Variants in TNFAIP8L3 observed in about 807,000 individuals in gnomAD.
TNFAIP8L3 encodes the protein TNF alpha induced protein 8 like 3, also known as tumor necrosis factor alpha-induced protein 8-like protein 3.
Under a neutral mutation model 11.8 loss-of-function variants are expected in TNFAIP8L3, and 7 were observed. The observed-to-expected ratio is 0.59, with a 90% CI of 0.34 to 1.11. The LOEUF (loss-of-function observed/expected upper bound fraction) is 1.11, where lower values mean the gene tolerates loss of function less well. Among genes scored for constraint, TNFAIP8L3 ranks in the 50% most tolerant of loss-of-function variants. The probability of loss-of-function intolerance (pLI) is 0.03; values close to 1 mark genes in which losing one functional copy is unlikely to be tolerated. For missense variants in TNFAIP8L3, 219 were observed against 258.6 expected (o/e 0.85, Z 1.05); for synonymous variants, 98 against 103.8 (o/e 0.94, Z 0.34).
chr15:51,085,503 A>C (rs1294421182), intron 1 of TNFAIP8L3, among the ~76,000 whole-genome samples: 1 of 152,204 alleles, frequency 6.6e-6, no homozygotes. Context: ...CAGGATGGAG[A>C]AACCTAAGAA....
intron 1 of TNFAIP8L3, among the ~76,000 whole-genome samples, chr15:51,067,727 A>G (rs1382270737): frequency 6.6e-6 from 1 of 152,220 alleles, no homozygotes; most frequent in Non-Finnish European, 1.5e-5. Flanking sequence ...CACTGATTAT[A>G]TTACTTCATT....
chr15:51,091,824 G>A (rs1297784460), intron 1 of TNFAIP8L3, among the ~76,000 whole-genome samples: 2 of 151,978 alleles, frequency 1.3e-5, no homozygotes, highest in African/African-American at 2.4e-5. Context: ...AACATTAATT[G>A]TTTTAAACAT....
intron 1 of TNFAIP8L3, among the ~76,000 whole-genome samples, chr15:51,063,911 G>A (rs992450733): frequency 6.6e-6 from 1 of 152,190 alleles, no homozygotes; most frequent in African/African-American, 2.4e-5. Flanking sequence ...ATATAGGCCA[G>A]TACTTTTCCC....
intron 1 of TNFAIP8L3, among the ~76,000 whole-genome samples, chr15:51,103,556 T>A (rs1369263345): frequency 1.3e-5 from 2 of 152,250 alleles, no homozygotes; most frequent in Non-Finnish European, 2.9e-5. Flanking sequence ...TTATTGAAGC[T>A]CTTTCAGGAT....
upstream of TNFAIP8L3, among the ~76,000 whole-genome samples, chr15:51,099,452 G>A (rs997503758): frequency 2.6e-5 from 4 of 152,056 alleles, no homozygotes; most frequent in African/African-American, 9.7e-5. Flanking sequence ...AAGGAGAAAG[G>A]GAGAAGAGAA....
exon 1 of TNFAIP8L3, chr15:51,105,120 C>T: frequency 1.2e-6 from 2 of 1,614,190 alleles, no homozygotes; most frequent in Non-Finnish European, 1.7e-6. Flanking sequence ...TCCCCTTTGG[C>T]TCTGCCTCAC....
At chr15:51,085,033 G>A (rs1354785046) in intron 1 of TNFAIP8L3, among the ~76,000 whole-genome samples, 1 of 152,112 alleles carries the variant, frequency 6.6e-6, no homozygotes, top group Admixed American at 6.5e-5. Flanking sequence ...CAAAAATTCA[G>A]GTTTGATACC....
Position 51,094,586 on chromosome 15 carries a change from C to T in TNFAIP8L3, c.10G>A (p.Asp4Asn). The change falls in exon 1 of 2, where the codon GAT becomes AAT. Residue 4 changes from aspartate (D) to asparagine (N), a missense_variant. Coordinates refer to ENST00000637513, the MANE Select transcript of TNFAIP8L3 (RefSeq NM_001311175.2). This position sits in a 1 kb window ranked among gnomAD's most constrained non-coding sequence, Gnocchi z 4.4. MDSDSGEQSEGEPV... is the reference protein window; with the variant it reads MDSNSGEQSEGEPV... ...TCGCCCTCGCTCTGCTCCCCGGAAT[C>T]CGAATCCATGCTGCGGGCTGCTGGC... 3 of 1,499,800 alleles carry T rather than the reference C, an allele frequency of 2.0e-6. No homozygotes were observed. The highest frequency in any genetic ancestry group is 2.7e-6 in the Non-Finnish European group (3 of 1,129,406). The allele number at this position is 1,499,800 out of a possible 1,614,324, so 92.9% of individuals were successfully genotyped here. A position where few individuals can be genotyped will look rare whatever the true frequency, so the allele number is the denominator to read the frequency against.
rs2065321403 is a variant in TNFAIP8L3 at position 51,072,989 on chromosome 15, C to CTTTTTTTTTTTTTTTTTTTTTTT, written c.53-14547_53-14546insAAAAAAAAAAAAAAAAAAAAAAA. On this transcript the variant is annotated intron_variant, in intron 1 of 1. Transcript: ENST00000637513. ...ATGTTGATCTGAAGTAAACTGGGAT[C>CTTTTTTTTTTTTTTTTTTTTTTT]CTTTTTTTTTTTTTTTTTTTTTTTG... Among the ~76,000 whole-genome samples, 29 of 45,752 alleles carry CTTTTTTTTTTTTTTTTTTTTTTT rather than the reference C, an allele frequency of 6.3e-4. 14 individuals are homozygous for CTTTTTTTTTTTTTTTTTTTTTTT. Among genetic ancestry groups the CTTTTTTTTTTTTTTTTTTTTTTT allele is most frequent in the Non-Finnish European group, 7.3e-4 (19 of 26,018 alleles). The allele number at this position is 45,752 out of a possible 152,430, so 30.0% of individuals were successfully genotyped here. A position where few individuals can be genotyped will look rare whatever the true frequency, so the allele number is the denominator to read the frequency against.
chr15:51,068,903 T>G (rs2065290001), intron 1 of TNFAIP8L3, among the ~76,000 whole-genome samples: 1 of 152,040 alleles, frequency 6.6e-6, no homozygotes, highest in Admixed American at 6.6e-5. Context: ...CCTGACCTCA[T>G]GATCCGCCCC....
intron 1 of TNFAIP8L3, among the ~76,000 whole-genome samples, chr15:51,078,156 G>C (rs1172276891): frequency 6.6e-6 from 1 of 152,188 alleles, no homozygotes; most frequent in East Asian, 1.9e-4. Context: ...GGACAGAGGA[G>C]CTGTGGTTTT....
At chr15:51,102,889 G>C (rs758782880) in intron 1 of TNFAIP8L3, among the ~76,000 whole-genome samples, 1 of 152,048 alleles carries the variant, frequency 6.6e-6, no homozygotes, top group Non-Finnish European at 1.5e-5. Context: ...GTACACCAGT[G>C]TTCTACTAGA....
At position 51,094,095 on chromosome 15, in the gene TNFAIP8L3, A is replaced by G. The variant is rs1367583985; in HGVS notation, c.52+449T>C. Among the ~76,000 whole-genome samples the G allele has an allele frequency of 6.6e-6, 1 of 152,102 alleles. No homozygotes were observed. Among genetic ancestry groups the G allele is most frequent in the Non-Finnish European group, 1.5e-5 (1 of 68,016 alleles). Reference sequence around the variant, plus strand: ...TTGACCCCTGCCCCAACCACTCGCGAGGCCTTTTCTGTTCAGAGCCCCCAG... The same window carrying G: ...TTGACCCCTGCCCCAACCACTCGCGGGGCCTTTTCTGTTCAGAGCCCCCAG... On this transcript the variant is annotated intron_variant, in intron 1 of 1. Coordinates refer to ENST00000637513, the MANE Select transcript of TNFAIP8L3 (RefSeq NM_001311175.2). This position sits in a 1 kb window ranked among gnomAD's most constrained non-coding sequence, Gnocchi z 4.4.
intron 1 of TNFAIP8L3, among the ~76,000 whole-genome samples, chr15:51,070,773 G>T (rs556261628): frequency 6.6e-6 from 1 of 152,074 alleles, no homozygotes; most frequent in Admixed American, 6.6e-5. Flanking sequence ...CTGGCCGGGC[G>T]CGGTGGCTCA....
intron 1 of TNFAIP8L3, among the ~76,000 whole-genome samples, chr15:51,102,119 A>G (rs1010810718): frequency 9.2e-5 from 14 of 152,052 alleles, no homozygotes; most frequent in African/African-American, 3.1e-4. Flanking sequence ...GGAGTCCACG[A>G]CTTTTTGGAT....
At chr15:51,071,745 G>A (rs759579919) in intron 1 of TNFAIP8L3, among the ~76,000 whole-genome samples, 6 of 152,256 alleles carry the variant, frequency 3.9e-5, no homozygotes, top group African/African-American at 1.4e-4. Flanking sequence ...AGCAAGGGCT[G>A]CCAATGGCTC....
At chr15:51,068,516 G>A (rs1021933847) in intron 1 of TNFAIP8L3, among the ~76,000 whole-genome samples, 2 of 152,142 alleles carry the variant, frequency 1.3e-5, no homozygotes, top group African/African-American at 2.4e-5. Context: ...GATCTTGAGG[G>A]ATAAGTGGGC....
intron 1 of TNFAIP8L3, among the ~76,000 whole-genome samples, chr15:51,075,377 A>G (rs1327366401): frequency 6.6e-6 from 1 of 152,106 alleles, no homozygotes; most frequent in East Asian, 1.9e-4. Flanking sequence ...CCCTTTCTCC[A>G]TGGCAGAAGC....
chr15:51,060,742 G>A (rs2065237613), intron 1 of TNFAIP8L3, among the ~76,000 whole-genome samples: 1 of 152,190 alleles, frequency 6.6e-6, no homozygotes, highest in African/African-American at 2.4e-5. Flanking sequence ...CTTTCCTGCT[G>A]GCCTGATTCC....
Sources: gnomAD v4.1 joint callset for allele counts (sites outside exome capture counted in the v4.1 genomes callset) on GRCh38, gnomAD v4.1.1 for gene constraint, Gnocchi (gnomAD v3.1) non-coding constraint, MANE v1.5 for transcripts, NCBI Gene and HGNC (gene_info 2026-07-23, HGNC 2026-07-21) for gene names.